The following EDARADD variants were observed in gnomAD, a reference collection of about 807,000 sequenced individuals.
The protein encoded by EDARADD is ectodysplasin-A receptor-associated adapter protein.
A neutral mutation model predicts 25.6 loss-of-function variants in EDARADD; 20 were observed. The ratio of observed to expected loss-of-function variants is 0.78; its 90% CI spans 0.55 to 1.14. The LOEUF (loss-of-function observed/expected upper bound fraction) is 1.14. EDARADD is among the 50% of genes most tolerant of loss of function. The probability of loss-of-function intolerance (pLI) is 0.00; values close to 1 mark genes in which losing one functional copy is unlikely to be tolerated. For synonymous variants in EDARADD, 86 were observed against 94.4 expected (o/e 0.91, Z 0.52); for missense variants, 225 against 270.1 (o/e 0.83, Z 1.17).
chr1:236,474,539 C>T (rs1427759578), intron 5 of EDARADD, among the ~76,000 whole-genome samples: 1 of 152,152 alleles, frequency 6.6e-6, no homozygotes, highest in Non-Finnish European at 1.5e-5. Flanking sequence ...TATTCAACAA[C>T]CCTCTCCTCT....
At chr1:236,408,046 C>T (rs184248299) in intron 1 of EDARADD, among the ~76,000 whole-genome samples, 3 of 152,086 alleles carry the variant, frequency 2.0e-5, no homozygotes, top group Non-Finnish European at 2.9e-5. Flanking sequence ...TCATTCCTGC[C>T]GAAGGTAGTG....
intron 4 of EDARADD, among the ~76,000 whole-genome samples, chr1:236,458,405 A>G (rs1032544050): frequency 2.7e-4 from 41 of 152,148 alleles, no homozygotes; most frequent in African/African-American, 9.7e-4. Context: ...TTGTAGATCA[A>G]TATGATTTGG....
At chr1:236,361,033 A>AAAAAAC (rs921946799) in intron 3 of EDARADD, among the ~76,000 whole-genome samples, 8 of 150,268 alleles carry the variant, frequency 5.3e-5, no homozygotes, top group African/African-American at 1.8e-4. Context: ...AGGTTTTTGT[A>AAAAAAC]AAAAACAAAA....
chr1:236,370,991 A>G (rs2102993505), intron 3 of EDARADD, among the ~76,000 whole-genome samples: 1 of 152,326 alleles, frequency 6.6e-6, no homozygotes, highest in African/African-American at 2.4e-5. Context: ...GGAGTCGGTT[A>G]ACTTAGACGT....
upstream of EDARADD, among the ~76,000 whole-genome samples, chr1:236,393,391 C>CTT (rs761525038): frequency 9.8e-3 from 852 of 87,172 alleles, 112 homozygotes; most frequent in African/African-American, 0.021. Flanking sequence ...TTCTTTCTTT[C>CTT]TTTTTTTTTT....
intron 3 of EDARADD, among the ~76,000 whole-genome samples, chr1:236,364,317 T>C (rs2102992139): frequency 6.6e-6 from 1 of 152,296 alleles, no homozygotes; most frequent in South Asian, 2.1e-4. Flanking sequence ...TAGCCTTGTC[T>C]TGAAATCAGG....
At chr1:236,435,815 G>A (rs1432431647) in intron 4 of EDARADD, among the ~76,000 whole-genome samples, 1 of 152,062 alleles carries the variant, frequency 6.6e-6, no homozygotes, top group African/African-American at 2.4e-5. Context: ...TACGTGGGAT[G>A]TTTTCCTATA....
intron 5 of EDARADD, among the ~76,000 whole-genome samples, chr1:236,473,230 G>T (rs1406837844): frequency 6.6e-6 from 1 of 152,174 alleles, no homozygotes; most frequent in East Asian, 1.9e-4. Flanking sequence ...AGGAAGATGA[G>T]CCAGGTTAAT....
chr1:236,433,183 G>A (rs1387951558), intron 4 of EDARADD, among the ~76,000 whole-genome samples: 1 of 151,728 alleles, frequency 6.6e-6, no homozygotes, highest in East Asian at 2.0e-4. Flanking sequence ...AAGGCGCATC[G>A]CCCATTCCAC....
chr1:236,478,326 G>A (rs1191714196), intron 5 of EDARADD, among the ~76,000 whole-genome samples: 3 of 150,020 alleles, frequency 2.0e-5, no homozygotes, highest in Admixed American at 6.7e-5. Flanking sequence ...GAAAACCCTA[G>A]CTGTTAATAG....
At chr1:236,375,827 C>T (rs1341618799) in intron 3 of EDARADD, among the ~76,000 whole-genome samples, 1 of 150,538 alleles carries the variant, frequency 6.6e-6, no homozygotes, top group African/African-American at 2.4e-5. Flanking sequence ...GTCAGGGCTA[C>T]AGTGAGATAT....
chr1:236,448,317 C>T lies in EDARADD; in HGVS notation c.220-19914C>T, dbSNP rs193170359. Among the ~76,000 whole-genome samples, 192 of 152,340 alleles carry T rather than the reference C, an allele frequency of 1.3e-3. 2 individuals are homozygous for T. Among genetic ancestry groups the T allele is most frequent in the African/African-American group, 4.3e-3 (180 of 41,576 alleles). Reference sequence around the variant, plus strand: ...TCCACAGGGCAGAGGAATGCAGACACGTTCACTGCTGAACTCTTCATGTGG... The same window carrying T: ...TCCACAGGGCAGAGGAATGCAGACATGTTCACTGCTGAACTCTTCATGTGG... On this transcript the variant is annotated intron_variant, in intron 4 of 5. Transcript: ENST00000334232.
intron 4 of EDARADD, among the ~76,000 whole-genome samples, chr1:236,463,691 C>G (rs566337512): frequency 6.6e-6 from 1 of 152,324 alleles, no homozygotes; most frequent in South Asian, 2.1e-4. Context: ...CTCTGTCTTC[C>G]CAAACTGAAA....
intron 4 of EDARADD, among the ~76,000 whole-genome samples, chr1:236,465,022 C>T (rs1486984861): frequency 6.6e-6 from 1 of 152,146 alleles, no homozygotes; most frequent in African/African-American, 2.4e-5. Flanking sequence ...TTGTCTTCTC[C>T]GTCACCTCTT....
chr1:236,374,956 C>G (rs546595964), intron 3 of EDARADD, among the ~76,000 whole-genome samples: 4 of 138,218 alleles, frequency 2.9e-5, no homozygotes, highest in Non-Finnish European at 3.2e-5. Context: ...TATTCATTGC[C>G]TTTATTCTTT....
At chr1:236,379,391 C>T (rs77233497) in intron 3 of EDARADD, among the ~76,000 whole-genome samples, 2 of 124,038 alleles carry the variant, frequency 1.6e-5, no homozygotes, top group Admixed American at 8.1e-5. Flanking sequence ...AATAAATAAA[C>T]AACTAAAGTC....
In EDARADD at chr1:236,483,346, G is replaced by T. The variant is rs767911111; in HGVS notation, c.*697G>T. The stretch of plus-strand genomic sequence containing the variant: ...GATAAGACTCGCTATATGGGGAAGG[G>T]TGTCTCAAAGCCTGTTGAGCCCATC... On this transcript the variant is annotated 3_prime_UTR_variant, in exon 6 of 6. Coordinates refer to ENST00000334232, the MANE Select transcript of EDARADD (RefSeq NM_145861.4). The T allele has an allele frequency of 3.8e-6, 6 of 1,577,712 alleles. No homozygotes were observed. Among genetic ancestry groups the T allele is most frequent in the Admixed American group, 1.7e-5 (1 of 59,770 alleles).
chr1:236,359,606 A>G lies in EDARADD; in HGVS notation c.-6+8767A>G, dbSNP rs1453240410. Among the ~76,000 whole-genome samples, 3 of 152,250 alleles carry G rather than the reference A, an allele frequency of 2.0e-5. No individual in the cohort carries two copies. The East Asian group carries it at 5.8e-4, about 29-fold the overall frequency. On this transcript the variant is annotated intron_variant, in intron 3 of 7. Transcript: ENST00000439430. ...GAGGTTTAAGGGACTTATAGTTCCCAGTGGCTGGGGAAGCCTCACAGTCAT... is the reference window on the plus strand; with the variant it reads ...GAGGTTTAAGGGACTTATAGTTCCCGGTGGCTGGGGAAGCCTCACAGTCAT...
At chr1:236,385,194 G>A (rs551028912) in intron 3 of EDARADD, among the ~76,000 whole-genome samples, 62 of 144,288 alleles carry the variant, frequency 4.3e-4, no homozygotes, top group African/African-American at 1.5e-3. Context: ...AGATCACAAG[G>A]TCAGGAGATC....
Sources: gnomAD v4.1 joint callset for allele counts (sites outside exome capture counted in the v4.1 genomes callset) on GRCh38, gnomAD v4.1.1 for gene constraint, MANE v1.5 for transcripts, NCBI Gene and HGNC (gene_info 2026-07-23, HGNC 2026-07-21) for gene names.